Variants in IGF2R observed in about 807,000 individuals in gnomAD.
The protein encoded by IGF2R is cation-independent mannose-6-phosphate receptor.
Under a neutral mutation model 270.6 loss-of-function variants are expected in IGF2R, and 91 were observed. That is an observed-to-expected ratio of 0.34 (90% confidence interval 0.28 to 0.40). The LOEUF (loss-of-function observed/expected upper bound fraction) is 0.40, where lower values mean the gene tolerates loss of function less well. IGF2R is among the 10% of genes least tolerant of loss of function. The pLI is 1.00. For missense variants in IGF2R, 2,805 were observed against 3,188.3 expected (o/e 0.88, Z 2.90); for synonymous variants, 1,316 against 1,258.9 (o/e 1.05, Z -0.96).
chr6:160,090,194 C>A, intron 44 of IGF2R, 91 bp downstream of exon 44: 1 of 913,356 alleles, frequency 1.1e-6, no homozygotes, highest in Non-Finnish European at 1.6e-6. Flanking sequence ...GTTGAAATCT[C>A]GGACCACTTT....
chr6:160,047,992 A>G (rs984782532), intron 17 of IGF2R, 85 bp downstream of exon 17: 29 of 901,588 alleles, frequency 3.2e-5, no homozygotes, highest in Non-Finnish European at 5.2e-5. Flanking sequence ...GACTGAGCTG[A>G]TGATGGGGAG....
In IGF2R at chr6:160,063,595, A is replaced by G; in HGVS notation, c.3851A>G (p.Glu1284Gly). 4 of 1,614,192 alleles carry G rather than the reference A, an allele frequency of 2.5e-6. No individual in the cohort carries two copies. The highest frequency in any genetic ancestry group is 3.4e-6 in the Non-Finnish European group (4 of 1,180,002). ...TCCAAGGTGGTCTCCTCATGTCAGG[A>G]AAAGCGGGAACCGCAGGGATTTCAC... ...DKSKVVSSCQ[E>G]KREPQGFHKV... is the part of the protein sequence containing the mutation. Residue 1284 changes from glutamate (E) to glycine (G), a missense_variant, in exon 27 of 48, where the codon GAA (glutamate) becomes GGA (glycine). This residue lies in a region of IGF2R where 1,851 missense variants were observed against 2,207.2 expected (regional missense o/e 0.84). Transcript: ENST00000356956.
chr6:160,052,373 C>T lies in IGF2R; in HGVS notation c.2694+1721C>T, dbSNP rs9457815. ...ATAAAATACCTAGGAATCCAACTTA[C>T]AAGGGATGTGAAGAACCTCTTCAAG... On this transcript the variant is annotated intron_variant, in intron 19 of 47. Transcript: ENST00000356956. Among the ~76,000 whole-genome samples, 415 of 152,242 alleles carry T rather than the reference C, an allele frequency of 2.7e-3. 1 individual carries two copies. Among genetic ancestry groups the T allele is most frequent in the African/African-American group, 9.9e-3 (411 of 41,522 alleles).
At chr6:159,970,459 A>G (rs1348922767) in intron 1 of IGF2R, among the ~76,000 whole-genome samples, 1 of 151,362 alleles carries the variant, frequency 6.6e-6, no homozygotes, top group Non-Finnish European at 1.5e-5. Context: ...GGGGGTTCTT[A>G]TTTTTCCCAT....
At chr6:160,092,258 C>T (rs1435748961) in intron 44 of IGF2R, among the ~76,000 whole-genome samples, 1 of 147,364 alleles carries the variant, frequency 6.8e-6, no homozygotes. Context: ...GGTGTGTCTG[C>T]AGGATTCCAA....
chr6:160,044,360 G>A (rs545489256), intron 12 of IGF2R, among the ~76,000 whole-genome samples, 154 bp from the exon 13 acceptor site: 4 of 152,270 alleles, frequency 2.6e-5, no homozygotes, highest in South Asian at 4.1e-4. Flanking sequence ...CTGCCTTGGT[G>A]GGTTCAGGGG....
At chr6:160,085,266 C>T in intron 41 of IGF2R, 135 bp downstream of exon 41, 2 of 903,662 alleles carry the variant, frequency 2.2e-6, no homozygotes, top group Non-Finnish European at 1.7e-6. Context: ...CTGTCACTGT[C>T]TCACAGGCAT....
rs1779609261 is a variant in IGF2R at position 160,105,952 on chromosome 6, G to A, written c.*868G>A. 1 of 152,228 alleles carries A rather than the reference G, an allele frequency of 6.6e-6. No individual in the cohort carries two copies. The highest frequency in any genetic ancestry group is 6.6e-5 in the Admixed American group (1 of 15,238). 9.4% of individuals were successfully genotyped at this position (152,228 alleles called of 1,614,324 possible). On this transcript the variant is annotated 3_prime_UTR_variant, in exon 48 of 48. Transcript: ENST00000356956. ...GTGTGTGTGTGTGAGTGGAGTTGAG[G>A]TGTCAGAGAAAATGAATTTTTTCCA...
chr6:160,081,792 A>G (rs1936467693), intron 39 of IGF2R, among the ~76,000 whole-genome samples: 1 of 152,216 alleles, frequency 6.6e-6, no homozygotes, highest in Non-Finnish European at 1.5e-5. Context: ...TTCGGTAATA[A>G]GAGAAATATG....
chr6:160,099,331 T>TTTATG (rs56981943), intron 45 of IGF2R, among the ~76,000 whole-genome samples: 25,744 of 149,030 alleles, frequency 0.17, 2,318 homozygotes, highest in Middle Eastern at 0.28. Context: ...TTTCCTCAGC[T>TTTATG]TTATGTTATG....
intron 1 of IGF2R, among the ~76,000 whole-genome samples, chr6:159,988,783 A>G (rs1783930839): frequency 6.6e-6 from 1 of 152,116 alleles, no homozygotes; most frequent in East Asian, 1.9e-4. Flanking sequence ...TTTATCTTGT[A>G]TCCTGCAACC....
chr6:160,107,534 T>C lies in IGF2R; in HGVS notation c.*2450T>C, dbSNP rs1295659972. The C allele has an allele frequency of 6.6e-6, 1 of 152,264 alleles. No individual in the cohort carries two copies. The highest frequency in any genetic ancestry group is 1.5e-5 in the Non-Finnish European group (1 of 68,048). 9.4% of individuals were successfully genotyped at this position (152,264 alleles called of 1,614,324 possible). On this transcript the variant is annotated 3_prime_UTR_variant, in exon 48 of 48. Coordinates refer to ENST00000356956, the MANE Select transcript of IGF2R (RefSeq NM_000876.4). ...ACAGCAAATCAGAATTGGACTCTTTTTCAGAGAAATGATTTTATTGATGGA... is the reference window on the plus strand; with the variant it reads ...ACAGCAAATCAGAATTGGACTCTTTCTCAGAGAAATGATTTTATTGATGGA...
In IGF2R at chr6:160,064,731, A is replaced by G. The variant is rs1029320874; in HGVS notation, c.4018-73A>G. The G allele has an allele frequency of 5.8e-6, 7 of 1,208,152 alleles. No individual in the cohort carries two copies. In the African/African-American group the frequency reaches 6.0e-5, roughly 10 times the overall value. The allele number at this position is 1,208,152 out of a possible 1,614,324, so 74.8% of individuals were successfully genotyped here. A position where few individuals can be genotyped will look rare whatever the true frequency, so the allele number is the denominator to read the frequency against. On this transcript the variant is annotated intron_variant, in intron 28 of 47. Coordinates refer to ENST00000356956, the MANE Select transcript of IGF2R (RefSeq NM_000876.4). ...AACGTAACCATTCTTTACTATTTTC[A>G]TTCTTAAAACTCAAAGTATAAACTA...
chr6:160,082,196 T>G (rs1046701963), intron 39 of IGF2R, among the ~76,000 whole-genome samples: 1 of 152,234 alleles, frequency 6.6e-6, no homozygotes, highest in African/African-American at 2.4e-5. Flanking sequence ...CGTGTTAAAT[T>G]TACGAAGGAT....
At chr6:160,096,244 G>T in intron 44 of IGF2R, 195 bp from the exon 45 acceptor site, 1 of 485,844 alleles carries the variant, frequency 2.1e-6, no homozygotes, top group Non-Finnish European at 3.6e-6. Context: ...ACTGCATGCT[G>T]ACTAAGGGCA....
chr6:160,089,272 T>A lies in IGF2R; in HGVS notation c.6467+19T>A, dbSNP rs200112791. 5 of 1,594,636 alleles carry A rather than the reference T, an allele frequency of 3.1e-6. No individual in the cohort carries two copies. Among genetic ancestry groups the A allele is most frequent in the Non-Finnish European group, 4.3e-6 (5 of 1,166,032 alleles). ...ATTTTAAGTAAGTAAAACGTTTTCC[T>A]TCTGAGCTGTGAAATGTGTTCAAAA... On this transcript the variant is annotated intron_variant, in intron 43 of 47. Transcript: ENST00000356956.
At chr6:160,024,530 A>G (rs200560469) in intron 4 of IGF2R, 42 bp from the exon 5 acceptor site, 13 of 1,603,486 alleles carry the variant, frequency 8.1e-6, no homozygotes, top group Non-Finnish European at 1.1e-5. Flanking sequence ...TGATTGACCA[A>G]GATGTATACT....
rs377400017 is a variant in IGF2R, at chr6:160,071,993, G to A, written c.4527G>A (p.Lys1509=). ...CCACAGCCACAGCCTGTCCCATGAA[G>A]AGCAACGAGCATGATGACTGCCAGG... ...AWPTATACPM[K]SNEHDDCQVT... Residue 1509 remains lysine, a synonymous_variant, in exon 32 of 48, where the codon AAG becomes AAA. Transcript: ENST00000356956. 21 of 1,614,080 alleles carry A rather than the reference G, an allele frequency of 1.3e-5. No individual in the cohort carries two copies. The highest frequency in any genetic ancestry group is 1.8e-5 in the Non-Finnish European group (21 of 1,180,044).
At chr6:160,043,391 C>G (rs550989978) in intron 12 of IGF2R, 103 bp downstream of exon 12, 6 of 1,288,400 alleles carry the variant, frequency 4.7e-6, no homozygotes, top group Non-Finnish European at 5.3e-6. Context: ...CCTCCTCTTT[C>G]TATAATCACA....
Sources: allele counts gnomAD v4.1 joint callset (sites outside exome capture counted in the v4.1 genomes callset), GRCh38; gene constraint gnomAD v4.1.1; regional missense constraint gnomAD v4.1.1; transcripts MANE v1.5; gene names NCBI Gene and HGNC (gene_info 2026-07-23, HGNC 2026-07-21).